KIAA0232: variants seen among roughly 807,000 people sequenced by gnomAD.
KIAA0232 encodes the protein uncharacterized protein KIAA0232.
In KIAA0232, 27 loss-of-function variants were observed where a neutral mutation model predicts 122.0. The ratio of observed to expected loss-of-function variants is 0.22; its 90% CI spans 0.16 to 0.31. The LOEUF (loss-of-function observed/expected upper bound fraction) is 0.31. KIAA0232 is among the 10% of genes least tolerant of loss of function. The pLI, the probability that KIAA0232 is intolerant of heterozygous loss-of-function variation, is 1.00. For missense variants in KIAA0232, 1,551 were observed against 1,634.2 expected (o/e 0.95, Z 0.88); for synonymous variants, 613 against 587.6 (o/e 1.04, Z -0.63).
chr4:6,809,583 A>G (rs1346002854), intron 2 of KIAA0232, among the ~76,000 whole-genome samples: 1 of 152,224 alleles, frequency 6.6e-6, no homozygotes. Flanking sequence ...AGTAAGAGAA[A>G]TTAAGCAAGA....
Position 6,790,724 on chromosome 4 carries a change from C to A in KIAA0232, c.-354+7883C>A, listed in dbSNP as rs77325545. On this transcript the variant is annotated intron_variant, in intron 1 of 9. Transcript: ENST00000307659. ...TGTCTGATTAGTATGTTGCTCCTTG[C>A]TAGCATTTTCCCTAAATATTTTAAT... Among the ~76,000 whole-genome samples, 426 of 151,884 alleles carry A rather than the reference C, an allele frequency of 2.8e-3. 4 individuals are homozygous for A. The highest frequency in any genetic ancestry group is 9.5e-3 in the African/African-American group (392 of 41,402).
Position 6,862,648 on chromosome 4 carries a change from G to A in KIAA0232, c.2266G>A (p.Glu756Lys), listed in dbSNP as rs570786567. The A allele has an allele frequency of 4.9e-5, 79 of 1,612,924 alleles. 1 individual carries two copies. The South Asian group carries it at 8.2e-4, about 17-fold the overall frequency. Residue 756 changes from glutamate (E) to lysine (K), a missense_variant, in exon 7 of 10, where the codon GAA becomes AAA. Around this residue, in one of 5 missense-constraint regions of KIAA0232, gnomAD observed 1,108 missense variants for 1,154.8 expected, o/e 0.96. Coordinates refer to ENST00000307659, the MANE Select transcript of KIAA0232 (RefSeq NM_014743.3). The stretch of plus-strand genomic sequence containing the variant: ...TAGAGTCTCGTCAAATTATGTAGAT[G>A]AAGAACTTCTAGATTTTTTGCAAGA... ...VPRVSSNYVD[E>K]ELLDFLQDET...
chr4:6,852,814 A>G (rs1354511618), intron 4 of KIAA0232, among the ~76,000 whole-genome samples: 2 of 152,218 alleles, frequency 1.3e-5, no homozygotes, highest in East Asian at 1.9e-4. Context: ...TTCAGCAAGC[A>G]TGGCTGGGAG....
chr4:6,878,924 C>T (rs1179650310), intron 9 of KIAA0232, among the ~76,000 whole-genome samples: 1 of 152,212 alleles, frequency 6.6e-6, no homozygotes, highest in East Asian at 1.9e-4. Context: ...GAGGCCCCCA[C>T]CAGCTCTCTC....
At chr4:6,800,206 C>T (rs113933122) in intron 1 of KIAA0232, among the ~76,000 whole-genome samples, 2,524 of 148,954 alleles carry the variant, frequency 0.017, 75 homozygotes, top group African/African-American at 0.059. Context: ...TACAGGTGCC[C>T]GCCACCATGC....
chr4:6,835,572 C>T (rs1157994298), intron 3 of KIAA0232, among the ~76,000 whole-genome samples: 1 of 152,206 alleles, frequency 6.6e-6, no homozygotes, highest in Non-Finnish European at 1.5e-5. Flanking sequence ...CACCCATCAA[C>T]TCGTCATTTA....
chr4:6,806,427 A>C (rs542150171), intron 2 of KIAA0232, among the ~76,000 whole-genome samples: 1 of 152,310 alleles, frequency 6.6e-6, no homozygotes, highest in Admixed American at 6.5e-5. Context: ...ATTAAACAAT[A>C]AGTTCAAACA....
Position 6,861,566 on chromosome 4 carries a change from A to G in KIAA0232, c.1184A>G (p.Glu395Gly). ...TACATGGAGAATAGAAAGGACACAG[A>G]GTATAAAGAGGAGCCCTTGTGGTAC... ...DLYMENRKDTEYKEEPLWYTE... is the reference protein window; with the variant it reads ...DLYMENRKDTGYKEEPLWYTE... Residue 395 changes from glutamate to glycine, a missense_variant, in exon 7 of 10, where the codon GAG (glutamate) becomes GGG (glycine). This residue lies in a region of KIAA0232 where 377 missense variants were observed against 381.7 expected (regional missense o/e 0.99). Coordinates refer to ENST00000307659, the MANE Select transcript of KIAA0232 (RefSeq NM_014743.3). 6.2e-7 allele frequency: 1 copy of G among 1,614,114 alleles called. No homozygotes were observed. The highest frequency in any genetic ancestry group is 8.5e-7 in the Non-Finnish European group (1 of 1,180,030).
At chr4:6,867,019 C>T (rs1209017937) in intron 7 of KIAA0232, among the ~76,000 whole-genome samples, 4 of 152,174 alleles carry the variant, frequency 2.6e-5, no homozygotes, top group South Asian at 2.1e-4. Context: ...ATATTTTTTG[C>T]GCGTATTAAC....
chr4:6,803,229 G>A (rs7698985), intron 1 of KIAA0232, among the ~76,000 whole-genome samples: 67 of 140,290 alleles, frequency 4.8e-4, no homozygotes, highest in African/African-American at 1.7e-3. Flanking sequence ...ATATATATAT[G>A]GACTTTCTCA....
chr4:6,860,405 G>A (rs1200485855), intron 6 of KIAA0232, among the ~76,000 whole-genome samples: 3 of 152,148 alleles, frequency 2.0e-5, no homozygotes, highest in African/African-American at 4.8e-5. Flanking sequence ...GATTGCTACC[G>A]AGCTTTTTAA....
At chr4:6,787,328 A>G (rs1393632975) in intron 1 of KIAA0232, among the ~76,000 whole-genome samples, 1 of 152,188 alleles carries the variant, frequency 6.6e-6, no homozygotes, top group African/African-American at 2.4e-5. Flanking sequence ...TTAAAAGAAT[A>G]TTAGAACTGG....
intron 2 of KIAA0232, among the ~76,000 whole-genome samples, chr4:6,813,134 A>G (rs1717950121): frequency 6.6e-6 from 1 of 152,192 alleles, no homozygotes; most frequent in Non-Finnish European, 1.5e-5. Context: ...TTTTAGTAAT[A>G]TATGTCATAT....
At chr4:6,835,244 G>C (rs958347170) in intron 3 of KIAA0232, among the ~76,000 whole-genome samples, 1 of 151,992 alleles carries the variant, frequency 6.6e-6, no homozygotes, top group African/African-American at 2.4e-5. Context: ...TCAGGTAGAA[G>C]CTTAAGGCCT....
Position 6,861,972 on chromosome 4 carries a change from A to G in KIAA0232, c.1590A>G (p.Glu530=), listed in dbSNP as rs765476454. The change falls in exon 7 of 10, where the codon GAA becomes GAG. Residue 530 remains glutamate, a synonymous_variant. Transcript: ENST00000307659. ...DPGASETMQG[E]SRILNMIRQK... ...GTGCCTCAGAAACAATGCAAGGAGA[A>G]AGTCGGATTTTGAATATGATTCGAC... 1.9e-6 allele frequency: 3 copies of G among 1,614,054 alleles called. No individual in the cohort carries two copies. Among genetic ancestry groups the G allele is most frequent in the Non-Finnish European group, 2.5e-6 (3 of 1,180,008 alleles).
chr4:6,787,149 CCA>C (rs1392869864), intron 1 of KIAA0232, among the ~76,000 whole-genome samples: 1 of 143,918 alleles, frequency 6.9e-6, no homozygotes, highest in Non-Finnish European at 1.5e-5. Context: ...CCACTGGACT[CCA>C]GCCTGGCGAC....
chr4:6,803,673 A>C (rs966978864), intron 1 of KIAA0232, among the ~76,000 whole-genome samples: 1 of 152,260 alleles, frequency 6.6e-6, no homozygotes, highest in African/African-American at 2.4e-5. Flanking sequence ...ATTTATAAAA[A>C]AGGAATAACC....
intron 4 of KIAA0232, among the ~76,000 whole-genome samples, chr4:6,856,593 A>C (rs1286929685): frequency 1.3e-5 from 2 of 152,180 alleles, no homozygotes; most frequent in Non-Finnish European, 2.9e-5. Flanking sequence ...CAGATGCTGA[A>C]AAGAAGACAA....
intron 1 of KIAA0232, among the ~76,000 whole-genome samples, chr4:6,799,153 A>T (rs548496287): frequency 1.3e-5 from 2 of 151,880 alleles, no homozygotes; most frequent in African/African-American, 4.8e-5. Context: ...CTTGGCTTGC[A>T]TTGGTACATT....
Sources: gnomAD v4.1 joint callset for allele counts (sites outside exome capture counted in the v4.1 genomes callset) on GRCh38, gnomAD v4.1.1 for gene constraint, gnomAD v4.1.1 regional missense constraint, MANE v1.5 for transcripts, NCBI Gene and HGNC (gene_info 2026-07-23, HGNC 2026-07-21) for gene names.